The following GOLGA5 variants were observed in gnomAD, a reference collection of about 807,000 sequenced individuals.
The protein encoded by GOLGA5 is golgin A5.
Under a neutral mutation model 93.5 loss-of-function variants are expected in GOLGA5, and 50 were observed. The ratio of observed to expected loss-of-function variants is 0.53; its 90% CI spans 0.43 to 0.68. The LOEUF is 0.68. Among genes scored for constraint, GOLGA5 ranks in the 30% least tolerant of loss-of-function variants. The pLI, the probability that GOLGA5 is intolerant of heterozygous loss-of-function variation, is 0.00. For missense variants in GOLGA5, 760 were observed against 856.4 expected (o/e 0.89, Z 1.40); for synonymous variants, 312 against 304.5 (o/e 1.02, Z -0.26).
intron 10 of GOLGA5, 119 bp from the exon 11 acceptor site, chr14:92,835,437 GGGT>G (rs201813612): frequency 1.4e-3 from 765 of 562,454 alleles, no homozygotes; most frequent in African/African-American, 0.01. Flanking sequence ...ATCTACTTTG[GGGT>G]GATGCTTAGA....
At chr14:92,820,502 C>G (rs1885295015) in intron 8 of GOLGA5, among the ~76,000 whole-genome samples, 1 of 152,206 alleles carries the variant, frequency 6.6e-6, no homozygotes, top group South Asian at 2.1e-4. Context: ...AGGCCTTCCT[C>G]TTATCTCAAC....
At chr14:92,829,789 A>T (rs2140333223) in intron 9 of GOLGA5, among the ~76,000 whole-genome samples, 1 of 152,342 alleles carries the variant, frequency 6.6e-6, no homozygotes, top group East Asian at 1.9e-4. Context: ...TTCTGATGTG[A>T]GTAAAATGCT....
At chr14:92,833,039 A>G (rs1885562008) in intron 9 of GOLGA5, 83 bp from the exon 10 acceptor site, 2 of 784,822 alleles carry the variant, frequency 2.5e-6, no homozygotes, top group Admixed American at 1.9e-5. Flanking sequence ...GCCACAATTT[A>G]CCTATGAAAA....
chr14:92,807,459 C>G (rs527366106), intron 3 of GOLGA5, among the ~76,000 whole-genome samples: 1 of 152,152 alleles, frequency 6.6e-6, no homozygotes, highest in Non-Finnish European at 1.5e-5. Flanking sequence ...AGTCATCCTC[C>G]CACCAACCCA....
chr14:92,836,763 T>G lies in GOLGA5; in HGVS notation c.2052-623T>G, dbSNP rs569976537. 3.9e-5 allele frequency among the ~76,000 whole-genome samples: 6 copies of G among 152,170 alleles called. No homozygotes were observed. In the East Asian group the frequency reaches 9.7e-4, roughly 24 times the overall value. ...CCTAATCTTTCGTAACTTCTGTAAT[T>G]CCACTAAAAAAAGATTTAGGCCGGG... On this transcript the variant is annotated intron_variant, in intron 11 of 12. Coordinates refer to ENST00000163416, the MANE Select transcript of GOLGA5 (RefSeq NM_005113.4).
chr14:92,810,349 G>C lies in GOLGA5; in HGVS notation c.1088G>C (p.Arg363Thr). ...CATGAAGCGGATGCCACTCTGAAGA[G>C]AGAGCAGGAGAGCTATAAACAGATG... ...RLHEADATLK[R>T]EQESYKQMQS... The change falls in exon 5 of 13, where the codon AGA becomes ACA. Residue 363 changes from arginine to threonine, a missense_variant. Transcript: ENST00000163416. The C allele has an allele frequency of 6.2e-7, 1 of 1,606,080 alleles. No individual in the cohort carries two copies. The highest frequency in any genetic ancestry group is 8.5e-7 in the Non-Finnish European group (1 of 1,177,138).
At chr14:92,833,807 C>T (rs1207830893) in intron 10 of GOLGA5, among the ~76,000 whole-genome samples, 10 of 152,168 alleles carry the variant, frequency 6.6e-5, no homozygotes, top group African/African-American at 2.4e-4. Context: ...ATCAACAGAT[C>T]AGATTTTTAA....
Position 92,816,427 on chromosome 14 carries a change from ATTCATGGTGG to A in GOLGA5, c.1491+11_1491+20del. 1 of 1,613,006 alleles carries A rather than the reference ATTCATGGTGG, an allele frequency of 6.2e-7. No homozygotes were observed. The highest frequency in any genetic ancestry group is 1.1e-5 in the South Asian group (1 of 91,032). ...AGCTCAGATCCGAATTACAGGTAAG[ATTCATGGTGG>A]TTCAGCTTAGTAGACACCATTTACC... is the stretch of plus-strand genomic sequence containing the variant. On this transcript the variant is annotated splice_region_variant and intron_variant, in intron 7 of 12. Coordinates refer to ENST00000163416, the MANE Select transcript of GOLGA5 (RefSeq NM_005113.4).
At chr14:92,798,119 T>C in intron 2 of GOLGA5, 138 bp downstream of exon 2, 1 of 656,152 alleles carries the variant, frequency 1.5e-6, no homozygotes. Flanking sequence ...AAATGTGTGG[T>C]GTAAACAAGG....
chr14:92,799,443 A>ATTTTTT (rs386382181), intron 2 of GOLGA5, among the ~76,000 whole-genome samples: 1 of 131,270 alleles, frequency 7.6e-6, no homozygotes, highest in African/African-American at 2.9e-5. Flanking sequence ...CGCCTGGCTA[A>ATTTTTT]TTTTTTTTTT....
rs1235127487 is a variant in GOLGA5 at position 92,797,981 on chromosome 14, G to A, written c.544G>A (p.Glu182Lys). 7.0e-6 allele frequency: 11 copies of A among 1,565,762 alleles called. No homozygotes were observed. The highest frequency in any genetic ancestry group is 1.4e-5 in the African/African-American group (1 of 72,812). ...EENSFGSQTH[E>K]AASNSDSSHE... Reference sequence around the variant, plus strand: ...AAATTCTTTTGGGAGCCAAACCCACGGTAGTTAATCAGTCCTCTTATTTCT... The same window carrying A: ...AAATTCTTTTGGGAGCCAAACCCACAGTAGTTAATCAGTCCTCTTATTTCT... The change falls in exon 2 of 13, where the codon GAA becomes AAA. Residue 182 changes from glutamate (E) to lysine (K), a missense_variant and splice_region_variant. By Grantham distance (56) the Glu-to-Lys change is moderately conservative. Transcript: ENST00000163416.
At chr14:92,816,646 C>T (rs966274534) in intron 7 of GOLGA5, among the ~76,000 whole-genome samples, 4 of 152,132 alleles carry the variant, frequency 2.6e-5, no homozygotes, top group Admixed American at 6.5e-5. Flanking sequence ...ACTGCAGCCT[C>T]GAACTCCTGG....
chr14:92,811,943 A>T (rs1885111399), intron 6 of GOLGA5, among the ~76,000 whole-genome samples, 189 bp downstream of exon 6: 1 of 11,442 alleles, frequency 8.7e-5, no homozygotes, highest in East Asian at 8.2e-3. Flanking sequence ...ACTTCTTTTA[A>T]AAAAAAAATT....
chr14:92,836,078 C>T (rs1288632998), intron 11 of GOLGA5, among the ~76,000 whole-genome samples: 1 of 151,856 alleles, frequency 6.6e-6, no homozygotes. Flanking sequence ...AAAGATGCTA[C>T]TATATATAGC....
chr14:92,838,987 T>C (rs1447685518), intron 12 of GOLGA5, among the ~76,000 whole-genome samples: 2 of 152,240 alleles, frequency 1.3e-5, no homozygotes, highest in Admixed American at 1.3e-4. Flanking sequence ...TTCCCATCTC[T>C]TCTTCACCGA....
chr14:92,816,311 A>C lies in GOLGA5; in HGVS notation c.1381A>C (p.Ser461Arg), dbSNP rs752502062. The C allele has an allele frequency of 2.2e-5, 35 of 1,613,912 alleles. No homozygotes were observed. In the East Asian group the frequency reaches 7.6e-4, roughly 35 times the overall value. The stretch of plus-strand genomic sequence containing the variant: ...CTCTGGTTTTGAAGGCCTAGATAGC[A>C]GCACTGCCAGTAGCATGGAGCTGGA... Reference protein sequence around the residue: ...EGSGFEGLDSSTASSMELEEL... With the variant: ...EGSGFEGLDSRTASSMELEEL... Residue 461 changes from serine to arginine, a missense_variant, in exon 7 of 13, where the codon AGC becomes CGC. Ser to Arg is a moderately radical substitution (Grantham distance 110, BLOSUM62 -1). Coordinates refer to ENST00000163416, the MANE Select transcript of GOLGA5 (RefSeq NM_005113.4).
At chr14:92,816,896 T>TC (rs1566956848) in intron 7 of GOLGA5, among the ~76,000 whole-genome samples, 1 of 151,868 alleles carries the variant, frequency 6.6e-6, no homozygotes, top group African/African-American at 2.4e-5. Flanking sequence ...TTCTTTCCTT[T>TC]CTTTCCTTTC....
At chr14:92,812,340 T>G (rs1032905731) in intron 6 of GOLGA5, among the ~76,000 whole-genome samples, 15 of 152,220 alleles carry the variant, frequency 9.9e-5, no homozygotes, top group African/African-American at 3.4e-4. Flanking sequence ...CCTTCCTTCC[T>G]GTGTGTGCCT....
intron 8 of GOLGA5, among the ~76,000 whole-genome samples, chr14:92,821,246 CA>C (rs1209994417): frequency 6.6e-6 from 1 of 152,120 alleles, no homozygotes; most frequent in Admixed American, 6.5e-5. Flanking sequence ...AATAAAAATA[CA>C]GATACAATAT....
Sources: allele counts gnomAD v4.1 joint callset (sites outside exome capture counted in the v4.1 genomes callset), GRCh38; gene constraint gnomAD v4.1.1; transcripts MANE v1.5; gene names NCBI Gene and HGNC (gene_info 2026-07-23, HGNC 2026-07-21).